MCCC1: variants seen among roughly 807,000 people sequenced by gnomAD.
The protein encoded by MCCC1 is methylcrotonyl-CoA carboxylase subunit 1.
A neutral mutation model predicts 83.8 loss-of-function variants in MCCC1; 64 were observed. The observed-to-expected ratio is 0.76, with a 90% CI of 0.62 to 0.94. The LOEUF (loss-of-function observed/expected upper bound fraction) is 0.94, where lower values mean the gene tolerates loss of function less well. Among genes scored for constraint, MCCC1 ranks in the 40% least tolerant of loss-of-function variants. MCCC1 has a pLI of 0.00. For synonymous variants in MCCC1, 322 were observed against 315.4 expected, an observed-to-expected ratio of 1.02 and a Z score of -0.22; for missense variants, 807 against 904.7, an observed-to-expected ratio of 0.89 and a Z score of 1.39.
Position 183,052,239 on chromosome 3 carries a change from G to C in MCCC1, c.875C>G (p.Pro292Arg). 1 of 1,613,356 alleles carries C rather than the reference G, an allele frequency of 6.2e-7. No individual in the cohort carries two copies. The highest frequency in any genetic ancestry group is 8.5e-7 in the Non-Finnish European group (1 of 1,179,576). ...HQKIIEEAPA[P>R]GIKSEVRKKL... The stretch of plus-strand genomic sequence containing the variant: ...TTTTCTTACTTCAGATTTAATACCA[G>C]GCTATGAAAAAAATATGTAAATAAA... The change falls in exon 9 of 19, where the codon CCT becomes CGT. Residue 292 changes from proline (P) to arginine (R), a missense_variant and splice_region_variant. By Grantham distance (103) the Pro-to-Arg change is moderately radical. Transcript: ENST00000265594.
intron 13 of MCCC1, among the ~76,000 whole-genome samples, chr3:183,034,751 A>G (rs932520936): frequency 6.8e-6 from 1 of 147,014 alleles, no homozygotes; most frequent in Non-Finnish European, 1.5e-5. Context: ...TTATGTTTTT[A>G]TGTTGTTGGC....
intron 17 of MCCC1, among the ~76,000 whole-genome samples, chr3:183,019,097 T>C (rs915893269): frequency 6.6e-6 from 1 of 152,128 alleles, no homozygotes; most frequent in African/African-American, 2.4e-5. Context: ...TTGGGGTAAA[T>C]ATTTCCAAAC....
chr3:183,048,176 G>A (rs1714694831), intron 9 of MCCC1, among the ~76,000 whole-genome samples: 1 of 152,082 alleles, frequency 6.6e-6, no homozygotes, highest in African/African-American at 2.4e-5. Context: ...CATAGAAGAT[G>A]CTCAATTAAA....
chr3:183,048,876 G>C (rs1253589138), intron 9 of MCCC1, among the ~76,000 whole-genome samples: 1 of 152,120 alleles, frequency 6.6e-6, no homozygotes, highest in Non-Finnish European at 1.5e-5. Flanking sequence ...AAATTTAAAA[G>C]AATATAAATC....
At chr3:183,105,529 A>G (rs1236814441) in intron 1 of MCCC1, among the ~76,000 whole-genome samples, 1 of 152,230 alleles carries the variant, frequency 6.6e-6, no homozygotes, top group African/African-American at 2.4e-5. Context: ...ATGCTTATAT[A>G]TGTAGAAATA....
chr3:183,033,706 A>G (rs1045428885), intron 14 of MCCC1, among the ~76,000 whole-genome samples: 1 of 152,074 alleles, frequency 6.6e-6, no homozygotes, highest in Non-Finnish European at 1.5e-5. Flanking sequence ...TATTTCTAAC[A>G]TTCTGGCATA....
intron 4 of MCCC1, among the ~76,000 whole-genome samples, chr3:183,081,466 G>A (rs1717487692): frequency 6.6e-6 from 1 of 152,186 alleles, no homozygotes; most frequent in Admixed American, 6.5e-5. Flanking sequence ...CACAAGCAAA[G>A]TTGTTGGTTC....
intron 9 of MCCC1, 114 bp from the exon 10 acceptor site, chr3:183,045,654 T>TTTGCATTTCATGAAGAAAACATC (rs1714499853): frequency 9.1e-7 from 1 of 1,095,538 alleles, no homozygotes; most frequent in African/African-American, 1.6e-5. Context: ...ATGGTAACAC[T>TTTGCATTTCATGAAGAAAACATC]TTGCATTTCA....
intron 8 of MCCC1, among the ~76,000 whole-genome samples, chr3:183,055,703 G>A (rs1018197681): frequency 5.9e-5 from 9 of 151,842 alleles, no homozygotes; most frequent in Admixed American, 2.6e-4. Flanking sequence ...TGAGACCAGC[G>A]TGGTCAACAC....
Position 183,099,467 on chromosome 3 carries a change from C to A in MCCC1, c.-27G>T, listed in dbSNP as rs756137343. On this transcript the variant is annotated 5_prime_UTR_variant, in exon 1 of 19. Transcript: ENST00000265594. ...TCCCTGGAGCCCGGCCACTCCGTGA[C>A]TCCCCAGTACAGAGGCAGCTGCGTC... The A allele has an allele frequency of 2.5e-6, 4 of 1,588,574 alleles. No individual in the cohort carries two copies. In the Admixed American group the frequency reaches 7.0e-5, roughly 28 times the overall value.
intron 4 of MCCC1, among the ~76,000 whole-genome samples, chr3:183,083,592 T>C (rs1237160758): frequency 1.3e-5 from 2 of 152,198 alleles, no homozygotes; most frequent in Non-Finnish European, 2.9e-5. Flanking sequence ...TATTCCTTTC[T>C]CATTGTGTTA....
Position 183,039,064 on chromosome 3 carries a change from C to T in MCCC1, c.1339G>A (p.Ala447Thr), listed in dbSNP as rs546480708. The T allele has an allele frequency of 1.2e-6, 2 of 1,614,066 alleles. No homozygotes were observed. The highest frequency in any genetic ancestry group is 1.1e-5 in the South Asian group (1 of 91,082). ...LVVWAADRQA[A>T]LTKLRYSLRQ... Reference sequence around the variant, plus strand: ...AGGCTGTACCTCAGTTTTGTCAATGCCGCCTGGCGATCTGCTGCCCACACG... The same window carrying T: ...AGGCTGTACCTCAGTTTTGTCAATGTCGCCTGGCGATCTGCTGCCCACACG... Residue 447 changes from alanine (A) to threonine (T), a missense_variant, in exon 12 of 19, where the codon GCA becomes ACA. By Grantham distance (58) the Ala-to-Thr change is moderately conservative (BLOSUM62 0). Coordinates refer to ENST00000265594, the MANE Select transcript of MCCC1 (RefSeq NM_020166.5).
At chr3:183,089,849 A>G (rs1056255566) in intron 3 of MCCC1, among the ~76,000 whole-genome samples, 3 of 152,194 alleles carry the variant, frequency 2.0e-5, no homozygotes, top group Admixed American at 6.6e-5. Flanking sequence ...ATTCTGTAAG[A>G]AATGCAGGTT....
At position 183,099,432 on chromosome 3, in the gene MCCC1, C is replaced by T. The variant is rs1191355416; in HGVS notation, c.9G>A (p.Ala3=). The change falls in exon 1 of 19, where the codon GCG becomes GCA. Residue 3 remains alanine, a synonymous_variant. Coordinates refer to ENST00000265594, the MANE Select transcript of MCCC1 (RefSeq NM_020166.5). ...CCAGCAGCACCGACACCGCAGAGGC[C>T]GCCGCCATGTCCCTGGAGCCCGGCC... MA[A]ASAVSVLLVA... 2 of 1,605,110 alleles carry T rather than the reference C, an allele frequency of 1.2e-6. No individual in the cohort carries two copies. The highest frequency in any genetic ancestry group is 1.1e-5 in the South Asian group (1 of 89,734).
At chr3:183,062,835 A>G (rs985548686) in intron 7 of MCCC1, among the ~76,000 whole-genome samples, 3 of 152,142 alleles carry the variant, frequency 2.0e-5, no homozygotes, top group Admixed American at 6.6e-5. Flanking sequence ...CATAGTGTCT[A>G]TAAGTGTCTG....
upstream of MCCC1, among the ~76,000 whole-genome samples, chr3:183,104,376 C>T (rs1465662172): frequency 6.6e-6 from 1 of 152,082 alleles, no homozygotes; most frequent in Non-Finnish European, 1.5e-5. Flanking sequence ...CCTTGGCCTC[C>T]GAAAGTGCTG....
chr3:183,092,300 C>T, intron 3 of MCCC1, 109 bp downstream of exon 3: 1 of 1,428,962 alleles, frequency 7.0e-7, no homozygotes, highest in Non-Finnish European at 9.7e-7. Flanking sequence ...AACTTACCTA[C>T]TTCAACCCTG....
intron 4 of MCCC1, among the ~76,000 whole-genome samples, chr3:183,084,613 C>T (rs1717755383): frequency 6.6e-6 from 1 of 152,174 alleles, no homozygotes. Flanking sequence ...AACAACTATA[C>T]ATATTCACTA....
At position 183,041,622 on chromosome 3, in the gene MCCC1, G is replaced by A. The variant is rs769780560; in HGVS notation, c.1212C>T (p.His404=). The change falls in exon 11 of 19, where the codon CAC becomes CAT. Residue 404 remains histidine, a synonymous_variant. Transcript: ENST00000265594. Reference sequence around the variant, plus strand: ...AAGGGTCTGCTCGAGGAGTAGAGAGGTGCACTAATGGGCCTGCCACAGGCA... The same window carrying A: ...AAGGGTCTGCTCGAGGAGTAGAGAGATGCACTAATGGGCCTGCCACAGGCA... ...NFMPVAGPLV[H]LSTPRADPST... The A allele has an allele frequency of 4.3e-6, 7 of 1,614,126 alleles. No homozygotes were observed. The Admixed American group carries it at 1.2e-4, about 27-fold the overall frequency.
Sources: gnomAD v4.1 joint callset for allele counts (sites outside exome capture counted in the v4.1 genomes callset) on GRCh38, gnomAD v4.1.1 for gene constraint, MANE v1.5 for transcripts, NCBI Gene and HGNC (gene_info 2026-07-23, HGNC 2026-07-21) for gene names.